Variants in TCF7L2 observed in about 807,000 individuals in gnomAD.
The protein encoded by TCF7L2 is transcription factor 7-like 2.
Under a neutral mutation model 77.9 loss-of-function variants are expected in TCF7L2, and 23 were observed. That is an observed-to-expected ratio of 0.30 (90% CI 0.21 to 0.42). The LOEUF (loss-of-function observed/expected upper bound fraction) is 0.42, where lower values mean the gene tolerates loss of function less well. TCF7L2 is among the 10% of genes least tolerant of loss of function. The probability of loss-of-function intolerance (pLI) is 1.00; values close to 1 mark genes in which losing one functional copy is unlikely to be tolerated. For missense variants in TCF7L2, 654 were observed against 793.1 expected (o/e 0.82, Z 2.11); for synonymous variants, 413 against 340.2 (o/e 1.21, Z -2.36).
intron 5 of TCF7L2, among the ~76,000 whole-genome samples, chr10:113,059,768 A>G (rs2056116968): frequency 6.6e-6 from 1 of 152,180 alleles, no homozygotes; most frequent in South Asian, 2.1e-4. Context: ...AATTGCTTGG[A>G]GAAGGGGAGA....
intron 5 of TCF7L2, among the ~76,000 whole-genome samples, chr10:113,113,590 T>G (rs748095920): frequency 4.6e-5 from 7 of 152,194 alleles, no homozygotes; most frequent in Non-Finnish European, 7.3e-5. Context: ...CTTTAGAATT[T>G]GTGACCCTTT....
chr10:112,952,055 C>G (rs1278014154), intron 3 of TCF7L2, among the ~76,000 whole-genome samples: 7 of 152,046 alleles, frequency 4.6e-5, no homozygotes, highest in Non-Finnish European at 5.9e-5. Context: ...GCGTCTTGGG[C>G]TTTCCCCGGT....
At chr10:113,023,477 C>A (rs992842076) in intron 4 of TCF7L2, among the ~76,000 whole-genome samples, 1 of 151,964 alleles carries the variant, frequency 6.6e-6, no homozygotes, top group African/African-American at 2.4e-5. Context: ...GTTTCTTTTT[C>A]TTTTTATTTT....
At chr10:113,083,909 T>G (rs1213391026) in intron 5 of TCF7L2, among the ~76,000 whole-genome samples, 2 of 152,238 alleles carry the variant, frequency 1.3e-5, no homozygotes, top group African/African-American at 4.8e-5. Flanking sequence ...AAATCTAGGC[T>G]TTAGTTTCAG....
chr10:113,009,477 C>T (rs943024919), intron 4 of TCF7L2, among the ~76,000 whole-genome samples: 2 of 152,188 alleles, frequency 1.3e-5, no homozygotes, highest in African/African-American at 4.8e-5. Context: ...TGTTGAAAGG[C>T]ATCTCCTGCC....
At chr10:112,974,976 T>C (rs2039103546) in intron 4 of TCF7L2, among the ~76,000 whole-genome samples, 1 of 82,228 alleles carries the variant, frequency 1.2e-5, no homozygotes, top group African/African-American at 6.5e-5. Flanking sequence ...TTCTTTTTTT[T>C]TCTTTTTCTT....
intron 5 of TCF7L2, among the ~76,000 whole-genome samples, chr10:113,070,251 T>C (rs2057793377): frequency 1.8e-5 from 1 of 55,858 alleles, no homozygotes. Flanking sequence ...TGAGACTCCG[T>C]CTTAAAAAAA....
rs879356800 is a variant in TCF7L2 at position 113,150,908 on chromosome 10, GT to G, written c.876-79del. The stretch of plus-strand genomic sequence containing the variant: ...TGCTTTCATGTGAGTGTTACGTGCT[GT>G]TTTTTTTTTTCTTTTTAATTGTGTG... On this transcript the variant is annotated intron_variant, in intron 8 of 13. Transcript: ENST00000627217. 3,745 of 1,292,378 alleles carry G rather than the reference GT, an allele frequency of 2.9e-3. 1 individual carries two copies. Among genetic ancestry groups the G allele is most frequent in the African/African-American group, 0.011 (702 of 63,460 alleles). The allele number at this position is 1,292,378 out of a possible 1,614,324, so 80.1% of individuals were successfully genotyped here.
intron 5 of TCF7L2, among the ~76,000 whole-genome samples, chr10:113,058,734 T>C (rs1398753098): frequency 6.6e-6 from 1 of 151,890 alleles, no homozygotes; most frequent in Non-Finnish European, 1.5e-5. Context: ...TGTACGTTAA[T>C]ATGGAGAGAT....
chr10:113,084,029 T>A (rs1188542775), intron 5 of TCF7L2, among the ~76,000 whole-genome samples: 2 of 152,202 alleles, frequency 1.3e-5, no homozygotes, highest in Non-Finnish European at 2.9e-5. Flanking sequence ...CATTTCATTT[T>A]AAAACTCTGA....
At chr10:113,002,541 T>G (rs1232283499) in intron 4 of TCF7L2, among the ~76,000 whole-genome samples, 1 of 152,086 alleles carries the variant, frequency 6.6e-6, no homozygotes, top group Non-Finnish European at 1.5e-5. Context: ...TGGCTGTGTG[T>G]GGGGGTGTGT....
At chr10:113,049,152 C>T (rs2053959843) in intron 5 of TCF7L2, among the ~76,000 whole-genome samples, 1 of 152,066 alleles carries the variant, frequency 6.6e-6, no homozygotes, top group Non-Finnish European at 1.5e-5. Flanking sequence ...TGACCATATT[C>T]TGATAATTAC....
In TCF7L2 at chr10:113,166,250, A is replaced by G. The variant is rs1592555358; in HGVS notation, c.*278A>G. 1 of 304,614 alleles carries G rather than the reference A, an allele frequency of 3.3e-6. No individual in the cohort carries two copies. Among genetic ancestry groups the G allele is most frequent in the Non-Finnish European group, 6.0e-6 (1 of 167,626 alleles). 18.9% of individuals were successfully genotyped at this position (304,614 alleles called of 1,614,324 possible). A position where few individuals can be genotyped will look rare whatever the true frequency, so the allele number is the denominator to read the frequency against. Reference sequence around the variant, plus strand: ...TCTTTGTAGCGTTTAAAAAATATATATATATACATAACTGTTATGTAGTTC... The same window carrying G: ...TCTTTGTAGCGTTTAAAAAATATATGTATATACATAACTGTTATGTAGTTC... On this transcript the variant is annotated 3_prime_UTR_variant, in exon 14 of 14. Coordinates refer to ENST00000627217, the MANE Select transcript of TCF7L2 (RefSeq NM_001146274.2).
chr10:113,104,195 G>GGATTT (rs1253766063), intron 5 of TCF7L2, among the ~76,000 whole-genome samples: 1 of 152,168 alleles, frequency 6.6e-6, no homozygotes, highest in Non-Finnish European at 1.5e-5. Context: ...GGAGCTTGAA[G>GGATTT]GATTTGCCTT....
intron 13 of TCF7L2, among the ~76,000 whole-genome samples, chr10:113,163,219 G>A (rs1472614349): frequency 3.9e-5 from 6 of 152,108 alleles, no homozygotes; most frequent in Non-Finnish European, 8.8e-5. Flanking sequence ...TGGGAGGGGT[G>A]AGGAAGGTAC....
rs565183017 is a variant in TCF7L2, at chr10:113,151,267, T to A, written c.1001+144T>A. On this transcript the variant is annotated intron_variant, in intron 9 of 13. Coordinates refer to ENST00000627217, the MANE Select transcript of TCF7L2 (RefSeq NM_001146274.2). This position sits in a 1 kb window ranked among gnomAD's most constrained non-coding sequence, Gnocchi z 5.2. ...TACCCAGCCTGTGTGGGCTCTTCAC[T>A]CCCTTACAAAGAGAGAGAGAGTGCA... is the stretch of plus-strand genomic sequence containing the variant. 2 of 1,096,340 alleles carry A rather than the reference T, an allele frequency of 1.8e-6. No individual in the cohort carries two copies. Among genetic ancestry groups the A allele is most frequent in the African/African-American group, 3.1e-5 (2 of 63,928 alleles). The allele number at this position is 1,096,340 out of a possible 1,614,324, so 67.9% of individuals were successfully genotyped here.
chr10:113,160,631 C>A lies in TCF7L2; in HGVS notation c.1331C>A (p.Pro444Gln), dbSNP rs2137462750. The change falls in exon 13 of 14, where the codon CCA (proline) becomes CAA (glutamine). Residue 444 changes from proline (P) to glutamine (Q), a missense_variant. Physicochemically the swap from Pro to Gln is moderately conservative, Grantham distance 76. Around this residue, in one of 6 missense-constraint regions of TCF7L2, gnomAD observed 272 missense variants for 215.4 expected, o/e 1.26. Transcript: ENST00000627217. ...CTTATGCTAACAGATGCAAATACTC[C>A]AAAGAAGTGTCGGGCACTGTTCGGG... The A allele has an allele frequency of 1.9e-6, 3 of 1,595,308 alleles. No homozygotes were observed. Among genetic ancestry groups the A allele is most frequent in the East Asian group, 2.2e-5 (1 of 44,526 alleles).
At position 113,151,585 on chromosome 10, in the gene TCF7L2, G is replaced by T. The variant is rs116219273; in HGVS notation, c.1002-140G>T. ...CTATTTTTGTTCCATTTTCCGGGGT[G>T]CAGAAGAACTAAAAGCATGCTTTTT... is the stretch of plus-strand genomic sequence containing the variant. On this transcript the variant is annotated intron_variant, in intron 9 of 13. Transcript: ENST00000627217. The surrounding 1 kb of genome is among the most constrained non-coding windows in gnomAD (Gnocchi z 5.2). The T allele has an allele frequency of 3.7e-6, 4 of 1,077,344 alleles. No homozygotes were observed. The highest frequency in any genetic ancestry group is 5.1e-6 in the Non-Finnish European group (4 of 787,742). 66.7% of individuals were successfully genotyped at this position (1,077,344 alleles called of 1,614,324 possible). A position where few individuals can be genotyped will look rare whatever the true frequency, so the allele number is the denominator to read the frequency against.
At chr10:113,155,538 C>T (rs773750344) in intron 11 of TCF7L2, among the ~76,000 whole-genome samples, 7 of 152,196 alleles carry the variant, frequency 4.6e-5, no homozygotes, top group Admixed American at 3.9e-4. Context: ...ACAACTTCTT[C>T]AGTAGTCAAC....
Sources: gnomAD v4.1 joint callset for allele counts (sites outside exome capture counted in the v4.1 genomes callset) on GRCh38, gnomAD v4.1.1 for gene constraint, gnomAD v4.1.1 regional missense constraint, Gnocchi (gnomAD v3.1) non-coding constraint, MANE v1.5 for transcripts, NCBI Gene and HGNC (gene_info 2026-07-23, HGNC 2026-07-21) for gene names.